RSRC1: variants seen among roughly 807,000 people sequenced by gnomAD.
RSRC1 encodes the protein serine/Arginine-related protein 53.
A neutral mutation model predicts 49.1 loss-of-function variants in RSRC1; 39 were observed. That is an observed-to-expected ratio of 0.79 (90% CI 0.61 to 1.04). The LOEUF (loss-of-function observed/expected upper bound fraction) is 1.04, where lower values mean the gene tolerates loss of function less well. Among genes scored for constraint, RSRC1 ranks in the 50% least tolerant of loss-of-function variants. The pLI is 0.00. For synonymous variants in RSRC1, 143 were observed against 130.8 expected (o/e 1.09, Z -0.63); for missense variants, 388 against 402.4 (o/e 0.96, Z 0.31).
chr3:158,316,438 A>ATCTTTTTTTTTTTTT (rs1728453059), intron 5 of RSRC1, among the ~76,000 whole-genome samples: 1 of 72,220 alleles, frequency 1.4e-5, no homozygotes. Context: ...AGAATCTCTC[A>ATCTTTTTTTTTTTTT]TTTTTTTTTT....
Position 158,232,606 on chromosome 3 carries a change from C to T in RSRC1, c.494+29361C>T, listed in dbSNP as rs146044094. Among the ~76,000 whole-genome samples the T allele has an allele frequency of 7.2e-4, 109 of 152,238 alleles. 1 individual carries two copies. In the Middle Eastern group the frequency reaches 0.01, roughly 14 times the overall value. On this transcript the variant is annotated intron_variant, in intron 4 of 9. Coordinates refer to ENST00000611884, the MANE Select transcript of RSRC1 (RefSeq NM_001271838.2). ...TGCTCTAGAGATACGTAGAAGTGAA[C>T]TATGGCTTGTATTATAACACCTGCT...
chr3:158,426,020 T>C (rs1361613940), intron 6 of RSRC1, among the ~76,000 whole-genome samples: 2 of 151,598 alleles, frequency 1.3e-5, no homozygotes. Flanking sequence ...TTATTACATA[T>C]AAGTGAGGGA....
At chr3:158,196,906 T>C (rs984741063) in intron 3 of RSRC1, among the ~76,000 whole-genome samples, 9 of 152,210 alleles carry the variant, frequency 5.9e-5, no homozygotes, top group African/African-American at 2.2e-4. Context: ...GGTTTGCCAG[T>C]ATTTTATTGA....
intron 6 of RSRC1, among the ~76,000 whole-genome samples, chr3:158,426,917 T>A (rs762940720): frequency 6.6e-6 from 1 of 151,814 alleles, no homozygotes; most frequent in South Asian, 2.1e-4. Flanking sequence ...TTGAGACTAG[T>A]CAGTTGGTTC....
chr3:158,362,711 C>G (rs954902056), intron 6 of RSRC1, among the ~76,000 whole-genome samples: 1 of 152,186 alleles, frequency 6.6e-6, no homozygotes, highest in Non-Finnish European at 1.5e-5. Context: ...TCCTTTGTCT[C>G]CATCACTTTT....
At chr3:158,243,987 T>C (rs1189829307) in intron 4 of RSRC1, among the ~76,000 whole-genome samples, 1 of 149,982 alleles carries the variant, frequency 6.7e-6, no homozygotes, top group Non-Finnish European at 1.5e-5. Context: ...GATTATGTCA[T>C]CTGCAAGCAA....
chr3:158,237,065 C>T (rs377433526), intron 4 of RSRC1, among the ~76,000 whole-genome samples: 6 of 152,114 alleles, frequency 3.9e-5, no homozygotes, highest in South Asian at 2.1e-4. Flanking sequence ...ATGTGTCAAG[C>T]GCTTTATCCC....
chr3:158,132,557 C>T (rs1170984843), intron 3 of RSRC1, among the ~76,000 whole-genome samples: 1 of 152,074 alleles, frequency 6.6e-6, no homozygotes, highest in African/African-American at 2.4e-5. Flanking sequence ...GTTTTTTGAA[C>T]TTAAAAATTA....
At chr3:158,278,882 CT>C (rs1725970773) in intron 4 of RSRC1, among the ~76,000 whole-genome samples, 1 of 152,052 alleles carries the variant, frequency 6.6e-6, no homozygotes, top group Non-Finnish European at 1.5e-5. Flanking sequence ...TGGACTATTG[CT>C]TTCCTGTGAG....
At chr3:158,365,783 A>G (rs994892509) in intron 6 of RSRC1, among the ~76,000 whole-genome samples, 1 of 152,120 alleles carries the variant, frequency 6.6e-6, no homozygotes, top group Non-Finnish European at 1.5e-5. Context: ...AAGCATTTCT[A>G]TTTCTCCACA....
At chr3:158,365,414 C>A (rs1419040762) in intron 6 of RSRC1, among the ~76,000 whole-genome samples, 1 of 152,026 alleles carries the variant, frequency 6.6e-6, no homozygotes, top group Non-Finnish European at 1.5e-5. Flanking sequence ...TTTTCTGTTC[C>A]TGTGTTAGTT....
intron 1 of RSRC1, among the ~76,000 whole-genome samples, chr3:158,116,824 G>T (rs543486761): frequency 6.6e-6 from 1 of 152,188 alleles, no homozygotes; most frequent in Admixed American, 6.5e-5. Context: ...TATAGGGAAA[G>T]GATTTTTTTT....
At position 158,333,551 on chromosome 3, in the gene RSRC1, A is replaced by G. The variant is rs566945784; in HGVS notation, c.532-21306A>G. 2.0e-5 allele frequency among the ~76,000 whole-genome samples: 3 copies of G among 152,332 alleles called. No homozygotes were observed. The East Asian group carries it at 5.8e-4, about 29-fold the overall frequency. On this transcript the variant is annotated intron_variant, in intron 5 of 9. Coordinates refer to ENST00000611884, the MANE Select transcript of RSRC1 (RefSeq NM_001271838.2). ...GTGTGTATTTTGAACACATTGGTTC[A>G]GACAGCTCGATATTTAATATATTTT...
chr3:158,307,294 G>C (rs558818989), intron 5 of RSRC1, among the ~76,000 whole-genome samples: 92 of 151,942 alleles, frequency 6.1e-4, no homozygotes, highest in Non-Finnish European at 1.3e-3. Flanking sequence ...GGAGGATTCA[G>C]TTTGTTCCTA....
In RSRC1 at chr3:158,167,786, T is replaced by A. The variant is rs115612144; in HGVS notation, c.321-35286T>A. ...TATAACTAGAAGGAAAATGTTACTC[T>A]AGGATTCCTGTGTACTTCAGTTTCT... On this transcript the variant is annotated intron_variant, in intron 3 of 9. Transcript: ENST00000611884. Among the ~76,000 whole-genome samples, 835 of 152,344 alleles carry A rather than the reference T, an allele frequency of 5.5e-3. 8 individuals are homozygous for A. Among genetic ancestry groups the A allele is most frequent in the African/African-American group, 0.019 (798 of 41,578 alleles).
chr3:158,334,647 A>C (rs1729767805), intron 5 of RSRC1, among the ~76,000 whole-genome samples: 1 of 52,790 alleles, frequency 1.9e-5, no homozygotes. Flanking sequence ...CACCCAGCTA[A>C]TTTGTGTGTG....
At chr3:158,511,251 T>G (rs1323232022) in intron 7 of RSRC1, among the ~76,000 whole-genome samples, 1 of 151,852 alleles carries the variant, frequency 6.6e-6, no homozygotes, top group Non-Finnish European at 1.5e-5. Context: ...TGCTATCCCT[T>G]CCCCCTCCCC....
At position 158,187,164 on chromosome 3, in the gene RSRC1, C is replaced by T. The variant is rs185436163; in HGVS notation, c.321-15908C>T. On this transcript the variant is annotated intron_variant, in intron 3 of 9. Transcript: ENST00000611884. ...AGTAAAAACAAAACAAAACAGCTGT[C>T]CCCCAACAGGAGAAAAATATCCAAA... Among the ~76,000 whole-genome samples the T allele has an allele frequency of 1.3e-3, 194 of 151,926 alleles. 1 individual carries two copies. The highest frequency in any genetic ancestry group is 9.0e-4 in the Non-Finnish European group (61 of 67,828).
chr3:158,532,544 A>G (rs1269687907), intron 7 of RSRC1, among the ~76,000 whole-genome samples: 1 of 151,912 alleles, frequency 6.6e-6, no homozygotes. Flanking sequence ...CCTAATTTTT[A>G]TACTATAAAC....
Sources: gnomAD v4.1 joint callset for allele counts (sites outside exome capture counted in the v4.1 genomes callset) on GRCh38, gnomAD v4.1.1 for gene constraint, MANE v1.5 for transcripts, NCBI Gene and HGNC (gene_info 2026-07-23, HGNC 2026-07-21) for gene names.